Variants in CDH4 observed in about 807,000 individuals in gnomAD.
CDH4 encodes cadherin-4.
In CDH4, 33 loss-of-function variants were observed where a neutral mutation model predicts 86.0. The observed-to-expected ratio is 0.38, with a 90% CI of 0.29 to 0.51. The LOEUF (loss-of-function observed/expected upper bound fraction) is 0.51. Among genes scored for constraint, CDH4 ranks in the 20% least tolerant of loss-of-function variants. The probability of loss-of-function intolerance (pLI) is 0.86; values close to 1 mark genes in which losing one functional copy is unlikely to be tolerated. For synonymous variants in CDH4, 555 were observed against 549.4 expected (o/e 1.01, Z -0.14); for missense variants, 1,114 against 1,307.4 (o/e 0.85, Z 2.28).
In CDH4 at chr20:61,455,572, G is replaced by A. The variant is rs368623515; in HGVS notation, c.169+200635G>A. Among the ~76,000 whole-genome samples the A allele has an allele frequency of 2.6e-5, 4 of 152,332 alleles. No individual in the cohort carries two copies. In the South Asian group the frequency reaches 6.2e-4, roughly 24 times the overall value. On this transcript the variant is annotated intron_variant, in intron 2 of 15. Coordinates refer to ENST00000614565, the MANE Select transcript of CDH4 (RefSeq NM_001794.5). ...TAAAACAAAATGAAGATCTGGACTC[G>A]GGTAATCATAAACTTCTAGGACTAG...
chr20:61,803,583 G>A (rs1979952688), intron 4 of CDH4, among the ~76,000 whole-genome samples: 1 of 152,180 alleles, frequency 6.6e-6, no homozygotes, highest in Admixed American at 6.5e-5. Context: ...CTGCTACCGC[G>A]GGCGAGCCGC....
In CDH4 at chr20:61,611,490, C is replaced by G. The variant is rs996366957; in HGVS notation, c.170-132073C>G. On this transcript the variant is annotated intron_variant, in intron 2 of 15. Transcript: ENST00000614565. ...GAGCCTGACAGGGAGGCTCAGACTC[C>G]CAGCCTGCGGGATGTGGGCAAGGCT... Among the ~76,000 whole-genome samples the G allele has an allele frequency of 7.2e-5, 11 of 152,106 alleles. 1 individual carries two copies. The highest frequency in any genetic ancestry group is 2.7e-4 in the African/African-American group (11 of 41,412).
intron 2 of CDH4, among the ~76,000 whole-genome samples, chr20:61,742,046 C>T (rs900644139): frequency 6.6e-6 from 1 of 152,080 alleles, no homozygotes; most frequent in African/African-American, 2.4e-5. Flanking sequence ...AATGATTGAT[C>T]CACTAAGTTG....
At chr20:61,772,980 T>TTC in intron 3 of CDH4, 23 bp from the exon 4 acceptor site, 1 of 1,596,278 alleles carries the variant, frequency 6.3e-7, no homozygotes, top group South Asian at 1.1e-5. Context: ...TCTCTGCCTC[T>TTC]TCTCTCCCCT....
chr20:61,588,726 G>C (rs1429533505), intron 2 of CDH4, among the ~76,000 whole-genome samples: 1 of 152,086 alleles, frequency 6.6e-6, no homozygotes, highest in Non-Finnish European at 1.5e-5. Context: ...AACACCACCA[G>C]CCCAAGGTGG....
chr20:61,864,288 G>A (rs912579118), intron 6 of CDH4, among the ~76,000 whole-genome samples: 1 of 152,184 alleles, frequency 6.6e-6, no homozygotes, highest in East Asian at 1.9e-4. Flanking sequence ...GGCCAGTTCT[G>A]TTGCTTCAAG....
At chr20:61,554,639 C>T (rs537080984) in intron 2 of CDH4, among the ~76,000 whole-genome samples, 2 of 152,326 alleles carry the variant, frequency 1.3e-5, no homozygotes, top group South Asian at 2.1e-4. Flanking sequence ...GCCTGGGAGC[C>T]GCAACCAGTG....
At chr20:61,920,945 C>T (rs1407073962) in intron 9 of CDH4, among the ~76,000 whole-genome samples, 1 of 125,384 alleles carries the variant, frequency 8.0e-6, no homozygotes, top group African/African-American at 3.1e-5. Context: ...CATGGTGTCA[C>T]AGTAATTGCA....
At chr20:61,292,542 T>C (rs1662289549) in intron 2 of CDH4, among the ~76,000 whole-genome samples, 1 of 152,194 alleles carries the variant, frequency 6.6e-6, no homozygotes, top group African/African-American at 2.4e-5. Flanking sequence ...GGAGGGGTGC[T>C]GTTGGCGTCC....
chr20:61,273,177 A>T (rs1600822458), intron 2 of CDH4, among the ~76,000 whole-genome samples: 1 of 89,926 alleles, frequency 1.1e-5, no homozygotes, highest in Admixed American at 1.4e-4. Context: ...GGGGAGTACC[A>T]TGTGCAGTTT....
At position 61,733,539 on chromosome 20, in the gene CDH4, G is replaced by A. The variant is rs140996866; in HGVS notation, c.170-10024G>A. 5.2e-3 allele frequency among the ~76,000 whole-genome samples: 790 copies of A among 152,176 alleles called. 9 individuals are homozygous for A. The highest frequency in any genetic ancestry group is 0.014 in the Middle Eastern group (4 of 294). On this transcript the variant is annotated intron_variant, in intron 2 of 15. Coordinates refer to ENST00000614565, the MANE Select transcript of CDH4 (RefSeq NM_001794.5). ...CCCTGTCACAGTGACTTTGTTCGTGGGCCGGCTGCCTCATGGTCTTCCCAC... is the reference window on the plus strand; with the variant it reads ...CCCTGTCACAGTGACTTTGTTCGTGAGCCGGCTGCCTCATGGTCTTCCCAC...
At chr20:61,899,939 C>T (rs997269183) in intron 8 of CDH4, among the ~76,000 whole-genome samples, 37 of 152,278 alleles carry the variant, frequency 2.4e-4, no homozygotes, top group African/African-American at 8.7e-4. Context: ...AACTTAGGAG[C>T]CCTGGGGTCT....
intron 2 of CDH4, among the ~76,000 whole-genome samples, chr20:61,345,079 GGATTCCTAGCTGTCTCTTTC>G (rs2084670749): frequency 6.6e-6 from 1 of 152,180 alleles, no homozygotes; most frequent in Non-Finnish European, 1.5e-5. Context: ...TATCTCGTTT[GGATTCCTAGCTGTCTCTTTC>G]GATGGACGAT....
intron 2 of CDH4, among the ~76,000 whole-genome samples, chr20:61,467,206 A>G (rs571719883): frequency 2.0e-5 from 3 of 152,342 alleles, no homozygotes; most frequent in Admixed American, 6.5e-5. Flanking sequence ...TCATTAGTAC[A>G]GATTCTCAAA....
At chr20:61,680,962 GAGGGCAGAGTT>G (rs2087505971) in intron 2 of CDH4, among the ~76,000 whole-genome samples, 1 of 152,220 alleles carries the variant, frequency 6.6e-6, no homozygotes, top group African/African-American at 2.4e-5. Flanking sequence ...TCTGGGCAGT[GAGGGCAGAGTT>G]AGAATTCCTA....
chr20:61,781,073 C>T (rs996783403), intron 4 of CDH4, among the ~76,000 whole-genome samples: 7 of 152,112 alleles, frequency 4.6e-5, no homozygotes, highest in Non-Finnish European at 1.0e-4. Context: ...AGTCAGCAGA[C>T]GGAAAGAACT....
intron 2 of CDH4, among the ~76,000 whole-genome samples, chr20:61,256,662 C>T (rs1219086997): frequency 6.6e-6 from 1 of 152,176 alleles, no homozygotes; most frequent in Non-Finnish European, 1.5e-5. Context: ...CCAGCTCAGA[C>T]ATTGTGTGGA....
At chr20:61,599,670 G>A (rs1424864535) in intron 2 of CDH4, 3 of 249,378 alleles carry the variant, frequency 1.2e-5, no homozygotes, top group East Asian at 3.6e-4. Context: ...AAGACACAGA[G>A]TGGAGAAGCC....
chr20:61,777,477 T>C (rs991957370), intron 4 of CDH4, among the ~76,000 whole-genome samples: 4 of 152,230 alleles, frequency 2.6e-5, no homozygotes, highest in Non-Finnish European at 5.9e-5. Context: ...CAAACCGAGC[T>C]TAATGCCAGG....
Sources: gnomAD v4.1 joint callset for allele counts (sites outside exome capture counted in the v4.1 genomes callset) on GRCh38, gnomAD v4.1.1 for gene constraint, MANE v1.5 for transcripts, NCBI Gene and HGNC (gene_info 2026-07-23, HGNC 2026-07-21) for gene names.